Variants in COX7B2 observed in about 807,000 individuals in gnomAD.
The protein encoded by COX7B2 is cytochrome c oxidase subunit 7B2, mitochondrial.
For missense variants in COX7B2, 109 were observed against 95.9 expected (o/e 1.14, Z -0.57); for synonymous variants, 37 against 32.1 (o/e 1.15, Z -0.51).
rs58139781 is a variant in COX7B2 at position 46,750,195 on chromosome 4, T to TACACACACACACACACAC, written c.-49-14972_-49-14955dup. 4.7e-4 allele frequency among the ~76,000 whole-genome samples: 53 copies of TACACACACACACACACAC among 113,924 alleles called. 1 individual carries two copies. The highest frequency in any genetic ancestry group is 2.2e-3 in the East Asian group (8 of 3,668). 74.7% of individuals were successfully genotyped at this position (113,924 alleles called of 152,430 possible). On this transcript the variant is annotated intron_variant, in intron 2 of 2. Coordinates refer to ENST00000355591, the MANE Select transcript of COX7B2 (RefSeq NM_130902.3). Reference sequence around the variant, plus strand: ...GGACAACACAATGAGATCCCATCTCTACACACACACACACACACACACACA... The same window carrying TACACACACACACACACAC: ...GGACAACACAATGAGATCCCATCTCTACACACACACACACACACACACACACACACACACACACACACA...
intron 2 of COX7B2, among the ~76,000 whole-genome samples, chr4:46,777,274 G>T (rs1182592395): frequency 6.6e-6 from 1 of 152,062 alleles, no homozygotes; most frequent in Non-Finnish European, 1.5e-5. Flanking sequence ...AAAATAAATG[G>T]AAGAGTGATT....
chr4:46,748,385 T>C (rs1043070526), intron 2 of COX7B2, among the ~76,000 whole-genome samples: 93 of 152,274 alleles, frequency 6.1e-4, no homozygotes, highest in African/African-American at 2.1e-3. Flanking sequence ...AAAAAAATAC[T>C]TTAGGCTAAA....
intron 1 of COX7B2, among the ~76,000 whole-genome samples, chr4:46,873,864 C>A (rs1718160310): frequency 6.6e-6 from 1 of 152,242 alleles, no homozygotes; most frequent in South Asian, 2.1e-4. Flanking sequence ...TGTTCCCCAC[C>A]CTGTGTCCAA....
At chr4:46,848,494 T>C (rs1318933325) in intron 1 of COX7B2, among the ~76,000 whole-genome samples, 1 of 152,086 alleles carries the variant, frequency 6.6e-6, no homozygotes, top group Non-Finnish European at 1.5e-5. Context: ...ACAAAAACTG[T>C]TTTATGCCCT....
At chr4:46,889,540 G>T (rs1249431953) in intron 1 of COX7B2, among the ~76,000 whole-genome samples, 1 of 152,318 alleles carries the variant, frequency 6.6e-6, no homozygotes, top group Admixed American at 6.5e-5. Context: ...AGGCAAGGCT[G>T]CCATGAGCAC....
chr4:46,794,994 C>CAGGGTTATCTCAAGGAAGGA (rs1209644828), intron 2 of COX7B2, among the ~76,000 whole-genome samples: 4 of 151,906 alleles, frequency 2.6e-5, no homozygotes, highest in African/African-American at 9.7e-5. Context: ...AAAGGAGAGT[C>CAGGGTTATCTCAAGGAAGGA]TTCTTTTGAG....
At position 46,787,372 on chromosome 4, in the gene COX7B2, G is replaced by A. The variant is rs181009867; in HGVS notation, c.-49-52131C>T. Among the ~76,000 whole-genome samples the A allele has an allele frequency of 3.8e-3, 580 of 152,062 alleles. 2 individuals carry two copies. Among genetic ancestry groups the A allele is most frequent in the Non-Finnish European group, 6.5e-3 (445 of 67,966 alleles). On this transcript the variant is annotated intron_variant, in intron 2 of 2. Transcript: ENST00000355591. Reference sequence around the variant, plus strand: ...TGAGGCAGGAGAAACGCTTGAACCCGGGAGGCAGAAGTTGCAATGAGCCGA... The same window carrying A: ...TGAGGCAGGAGAAACGCTTGAACCCAGGAGGCAGAAGTTGCAATGAGCCGA...
At chr4:46,772,294 T>TG (rs969978710) in intron 2 of COX7B2, among the ~76,000 whole-genome samples, 1 of 151,926 alleles carries the variant, frequency 6.6e-6, no homozygotes, top group Non-Finnish European at 1.5e-5. Context: ...CACTGGGGTG[T>TG]GGGGGAAATG....
chr4:46,784,872 T>A (rs1330831008), intron 2 of COX7B2, among the ~76,000 whole-genome samples: 1 of 152,216 alleles, frequency 6.6e-6, no homozygotes, highest in African/African-American at 2.4e-5. Flanking sequence ...TATCATCACA[T>A]ATTAGCTCCT....
At chr4:46,787,138 C>G (rs1577704341) in intron 2 of COX7B2, among the ~76,000 whole-genome samples, 1 of 152,102 alleles carries the variant, frequency 6.6e-6, no homozygotes, top group Non-Finnish European at 1.5e-5. Context: ...GGTTTAAAGC[C>G]TAATTGAGTG....
intron 1 of COX7B2, among the ~76,000 whole-genome samples, chr4:46,889,484 T>C (rs1311645008): frequency 2.0e-5 from 3 of 152,230 alleles, no homozygotes; most frequent in Non-Finnish European, 4.4e-5. Context: ...CCGATGCTTC[T>C]CTGGCTTGTC....
At chr4:46,752,954 C>T (rs1426341724) in intron 2 of COX7B2, among the ~76,000 whole-genome samples, 1 of 149,548 alleles carries the variant, frequency 6.7e-6, no homozygotes, top group African/African-American at 2.4e-5. Context: ...GGAGGAGTCC[C>T]TCTTTTTCTA....
At chr4:46,847,574 T>TA (rs1298181595) in intron 1 of COX7B2, among the ~76,000 whole-genome samples, 4 of 151,796 alleles carry the variant, frequency 2.6e-5, no homozygotes, top group East Asian at 3.9e-4. Flanking sequence ...ACTATGAGAT[T>TA]AAAAAAAAGT....
chr4:46,756,277 A>C (rs1715793516), intron 2 of COX7B2, among the ~76,000 whole-genome samples: 1 of 152,070 alleles, frequency 6.6e-6, no homozygotes, highest in Non-Finnish European at 1.5e-5. Flanking sequence ...ATGAAACTGT[A>C]ACCATATTTC....
At chr4:46,904,705 C>T (rs1259289637) in intron 1 of COX7B2, among the ~76,000 whole-genome samples, 1 of 152,048 alleles carries the variant, frequency 6.6e-6, no homozygotes, top group East Asian at 1.9e-4. Context: ...TGCAAGCATC[C>T]ACTAGCAGGA....
chr4:46,859,777 G>A (rs976294094), intron 1 of COX7B2, among the ~76,000 whole-genome samples: 2 of 152,172 alleles, frequency 1.3e-5, no homozygotes, highest in Admixed American at 6.5e-5. Flanking sequence ...GTTTACAAAT[G>A]CCATAGCAAC....
At chr4:46,770,034 C>T (rs987076160) in intron 2 of COX7B2, among the ~76,000 whole-genome samples, 4 of 151,966 alleles carry the variant, frequency 2.6e-5, no homozygotes, top group African/African-American at 9.7e-5. Flanking sequence ...TAAAATGCAT[C>T]CAAATCAGAA....
chr4:46,869,489 T>A (rs1279996398), intron 1 of COX7B2, among the ~76,000 whole-genome samples: 1 of 152,182 alleles, frequency 6.6e-6, no homozygotes, highest in Non-Finnish European at 1.5e-5. Flanking sequence ...TTTAAGTGTC[T>A]TTTTGTAATA....
chr4:46,810,245 G>A (rs1342953881), intron 2 of COX7B2, among the ~76,000 whole-genome samples: 1 of 151,930 alleles, frequency 6.6e-6, no homozygotes, highest in Admixed American at 6.6e-5. Context: ...ACACAGATTG[G>A]TTGAATGTGA....
Sources: allele counts gnomAD v4.1 joint callset (sites outside exome capture counted in the v4.1 genomes callset), GRCh38; gene constraint gnomAD v4.1.1; transcripts MANE v1.5; gene names NCBI Gene and HGNC (gene_info 2026-07-23, HGNC 2026-07-21).